The following CSRP2 variants were observed in gnomAD, a reference collection of about 807,000 sequenced individuals.
CSRP2 encodes the protein cysteine and glycine-rich protein 2.
A neutral mutation model predicts 24.6 loss-of-function variants in CSRP2; 18 were observed. The ratio of observed to expected loss-of-function variants is 0.73; its 90% CI spans 0.51 to 1.09. The LOEUF is 1.09. Ranked by LOEUF, CSRP2 falls within the 50% of genes least tolerant of loss-of-function variation. The pLI is 0.00. For missense variants in CSRP2, 215 were observed against 239.4 expected (o/e 0.90, Z 0.67); for synonymous variants, 87 against 84.3 (o/e 1.03, Z -0.18).
At chr12:76,860,161 G>C in intron 4 of CSRP2, 123 bp downstream of exon 4, 3 of 1,047,040 alleles carry the variant, frequency 2.9e-6, no homozygotes, top group Non-Finnish European at 4.0e-6. Flanking sequence ...TGCATTTAAA[G>C]AAAAGTTTCA....
intron 2 of CSRP2, chr12:76,864,616 A>C (rs529855746): frequency 7.0e-6 from 1 of 143,670 alleles, no homozygotes; most frequent in East Asian, 2.1e-4. Flanking sequence ...ATGTACCCAT[A>C]AAAATTAAAA....
intron 1 of CSRP2, among the ~76,000 whole-genome samples, chr12:76,867,192 A>G (rs2137829206): frequency 6.6e-6 from 1 of 152,244 alleles, no homozygotes; most frequent in Non-Finnish European, 1.5e-5. Context: ...CGACCACTTT[A>G]AAATGCCTGG....
rs148731781 is a variant in CSRP2, at chr12:76,859,007, C to A, written c.527G>T (p.Gly176Val). 1.9e-6 allele frequency: 3 copies of A among 1,614,064 alleles called. No homozygotes were observed. Among genetic ancestry groups the A allele is most frequent in the African/African-American group, 2.7e-5 (2 of 74,938 alleles). The change falls in exon 6 of 6, where the codon GGG becomes GTG. Residue 176 changes from glycine (G) to valine (V), a missense_variant. Coordinates refer to ENST00000311083, the MANE Select transcript of CSRP2 (RefSeq NM_001321.3). ...TTGGCCATAGCCAAATCCCTTGGGC[C>A]CAAAGTTCTTTGCATAGCATCCTAC... Reference protein sequence around the residue: ...YCKGCYAKNFGPKGFGYGQGA... With the variant: ...YCKGCYAKNFVPKGFGYGQGA...
intron 3 of CSRP2, chr12:76,861,220 C>T (rs1038589987): frequency 1.3e-5 from 2 of 151,646 alleles, no homozygotes; most frequent in Admixed American, 1.3e-4. Flanking sequence ...AAAATGATAG[C>T]ACTCCACAAC....
intron 1 of CSRP2, among the ~76,000 whole-genome samples, chr12:76,874,592 G>A (rs1202420187): frequency 6.6e-6 from 1 of 152,178 alleles, no homozygotes; most frequent in Non-Finnish European, 1.5e-5. Flanking sequence ...CAGTCCGTTA[G>A]GTCAAGGGTT....
At chr12:76,878,661 A>T (rs1953875750) in intron 1 of CSRP2, among the ~76,000 whole-genome samples, 1 of 152,158 alleles carries the variant, frequency 6.6e-6, no homozygotes, top group Non-Finnish European at 1.5e-5. Context: ...GTCATATAAG[A>T]TTATTTACCT....
chr12:76,868,020 A>G (rs1159358605), intron 1 of CSRP2, among the ~76,000 whole-genome samples: 1 of 152,090 alleles, frequency 6.6e-6, no homozygotes, highest in Non-Finnish European at 1.5e-5. Flanking sequence ...TTCTGGTGGT[A>G]CCTTCCCTAG....
chr12:76,859,085 C>A, intron 5 of CSRP2, 57 bp from the exon 6 acceptor site: 1 of 1,398,246 alleles, frequency 7.2e-7, no homozygotes, highest in Non-Finnish European at 1.0e-6. Context: ...TTTGCTAGCA[C>A]TGCTTAAGAC....
chr12:76,859,068 A>G, intron 5 of CSRP2, 40 bp from the exon 6 acceptor site: 1 of 1,579,932 alleles, frequency 6.3e-7, no homozygotes, highest in Non-Finnish European at 8.7e-7. Context: ...GTGCAAGTCC[A>G]TTAAGCTTTG....
intron 1 of CSRP2, among the ~76,000 whole-genome samples, chr12:76,871,284 C>A (rs4421791): frequency 0.31 from 46,897 of 152,038 alleles, 7,775 homozygotes; most frequent in East Asian, 0.54. Context: ...GGGGACATCT[C>A]ACTCTATCCA....
chr12:76,870,496 G>A (rs1450326515), intron 1 of CSRP2, among the ~76,000 whole-genome samples: 1 of 152,172 alleles, frequency 6.6e-6, no homozygotes, highest in African/African-American at 2.4e-5. Flanking sequence ...AACTTACTGT[G>A]CAATAAGTTT....
intron 1 of CSRP2, among the ~76,000 whole-genome samples, chr12:76,875,281 C>G (rs1217932844): frequency 6.6e-6 from 1 of 152,202 alleles, no homozygotes; most frequent in Non-Finnish European, 1.5e-5. Context: ...TCTAACCCCA[C>G]TGAAGGAAAA....
In CSRP2 at chr12:76,863,349, A is replaced by G. The variant is rs535127613; in HGVS notation, c.113-5T>C. The G allele has an allele frequency of 8.1e-6, 13 of 1,613,540 alleles. No homozygotes were observed. The highest frequency in any genetic ancestry group is 1.0e-5 in the Non-Finnish European group (12 of 1,179,812). ...CTAAATTTTTCCTGCAAACCACTGC[A>G]GGGGAAAAAGTTAGACTTTACACAT... On this transcript the variant is annotated splice_region_variant and splice_polypyrimidine_tract_variant and intron_variant, in intron 2 of 5. Coordinates refer to ENST00000311083, the MANE Select transcript of CSRP2 (RefSeq NM_001321.3).
intron 1 of CSRP2, among the ~76,000 whole-genome samples, chr12:76,867,758 C>T (rs1248342561): frequency 1.3e-5 from 2 of 152,122 alleles, no homozygotes; most frequent in South Asian, 4.1e-4. Context: ...GCTAATAAGG[C>T]CGAGGCCTCT....
In CSRP2 at chr12:76,866,130, A is replaced by G. The variant is rs777992048; in HGVS notation, c.112+19T>C. The G allele has an allele frequency of 3.4e-5, 54 of 1,575,606 alleles. No individual in the cohort carries two copies. The South Asian group carries it at 5.8e-4, about 17-fold the overall frequency. Reference sequence around the variant, plus strand: ...TACATACAAATTCCGTCAAAGGTGGAGCATGGAGAGCTACTTACTGCAGAG... The same window carrying G: ...TACATACAAATTCCGTCAAAGGTGGGGCATGGAGAGCTACTTACTGCAGAG... On this transcript the variant is annotated intron_variant, in intron 2 of 5. Coordinates refer to ENST00000311083, the MANE Select transcript of CSRP2 (RefSeq NM_001321.3).
At chr12:76,870,785 C>T (rs1029754593) in intron 1 of CSRP2, among the ~76,000 whole-genome samples, 15 of 150,602 alleles carry the variant, frequency 1.0e-4, no homozygotes, top group African/African-American at 2.7e-4. Context: ...TTTAGGGAGA[C>T]GCTATATTAC....
chr12:76,864,005 G>A (rs964697776), intron 2 of CSRP2: 1 of 152,214 alleles, frequency 6.6e-6, no homozygotes, highest in African/African-American at 2.4e-5. Context: ...GCAGTGATGA[G>A]TCTGCCTGAA....
At chr12:76,863,150 A>G (rs762762666) in intron 3 of CSRP2, 26 bp downstream of exon 3, 31 of 1,591,194 alleles carry the variant, frequency 1.9e-5, no homozygotes, top group Non-Finnish European at 2.7e-5. Flanking sequence ...TCATTTCTGA[A>G]GGTAACCAAC....
At chr12:76,869,561 CA>C in intron 1 of CSRP2, among the ~76,000 whole-genome samples, 1 of 150,984 alleles carries the variant, frequency 6.6e-6, no homozygotes, top group African/African-American at 2.5e-5. Flanking sequence ...CACACACACA[CA>C]CACACACACA....
Sources: allele counts gnomAD v4.1 joint callset (sites outside exome capture counted in the v4.1 genomes callset), GRCh38; gene constraint gnomAD v4.1.1; transcripts MANE v1.5; gene names NCBI Gene and HGNC (gene_info 2026-07-23, HGNC 2026-07-21).